Variants in EYS observed in about 807,000 individuals in gnomAD.
The protein encoded by EYS is protein eyes shut homolog.
EYS carries 250 observed loss-of-function variants against 282.1 expected under a neutral mutation model. The ratio of observed to expected loss-of-function variants is 0.89; its 90% CI spans 0.80 to 0.98. EYS has a LOEUF of 0.98. EYS is among the 50% of genes least tolerant of loss of function. EYS has a pLI of 0.00. For missense variants in EYS, 4,016 were observed against 3,709.0 expected (o/e 1.08, Z -2.15); for synonymous variants, 1,355 against 1,282.9 (o/e 1.06, Z -1.20).
chr6:64,656,428 T>C (rs1931851), intron 22 of EYS, among the ~76,000 whole-genome samples: 146,595 of 152,220 alleles, frequency 0.96, 70,824 homozygotes, highest in East Asian at 1. Flanking sequence ...TCTTGAGAAC[T>C]TTTCCAAGAC....
intron 33 of EYS, among the ~76,000 whole-genome samples, chr6:64,030,300 C>T (rs926949139): frequency 3.9e-5 from 6 of 152,170 alleles, no homozygotes; most frequent in African/African-American, 1.4e-4. Flanking sequence ...ACAGTGTACC[C>T]TACTCCTTTA....
intron 11 of EYS, among the ~76,000 whole-genome samples, chr6:65,328,735 TATTATA>T (rs1452613155): frequency 6.8e-6 from 1 of 146,918 alleles, no homozygotes; most frequent in Non-Finnish European, 1.5e-5. Context: ...GATGTGAAAA[TATTATA>T]ATTATTAGTT....
intron 19 of EYS, 32 bp from the exon 20 acceptor site, chr6:64,822,854 A>C (rs1375448614): frequency 1.3e-6 from 2 of 1,524,434 alleles, no homozygotes; most frequent in African/African-American, 1.4e-5. Flanking sequence ...AAAACATGAA[A>C]CCATTTAAAT....
At chr6:64,319,530 T>C (rs1292303503) in intron 29 of EYS, among the ~76,000 whole-genome samples, 2 of 152,024 alleles carry the variant, frequency 1.3e-5, no homozygotes, top group Non-Finnish European at 2.9e-5. Flanking sequence ...ATGCTCTCGA[T>C]ATTGGATTTC....
chr6:64,115,122 C>G (rs1475759732), intron 31 of EYS, among the ~76,000 whole-genome samples: 1 of 152,182 alleles, frequency 6.6e-6, no homozygotes, highest in Non-Finnish European at 1.5e-5. Context: ...ACTGAAGCTA[C>G]CTCTGTAGAA....
At chr6:65,526,912 C>T (rs1767588886) in intron 2 of EYS, among the ~76,000 whole-genome samples, 2 of 152,170 alleles carry the variant, frequency 1.3e-5, no homozygotes, top group South Asian at 2.1e-4. Context: ...CTCTAAAACT[C>T]AACCCAAATA....
intron 22 of EYS, among the ~76,000 whole-genome samples, chr6:64,664,488 G>C (rs1239953856): frequency 6.6e-6 from 1 of 152,124 alleles, no homozygotes; most frequent in African/African-American, 2.4e-5. Flanking sequence ...GATATGTCTG[G>C]AAAGAGGGGA....
chr6:64,452,073 C>G (rs1372669033), intron 26 of EYS, among the ~76,000 whole-genome samples: 1 of 152,182 alleles, frequency 6.6e-6, no homozygotes, highest in Non-Finnish European at 1.5e-5. Flanking sequence ...CAAATTGTCC[C>G]TGTTTGCAGA....
chr6:65,329,980 T>G (rs1362595560), intron 11 of EYS: 5 of 981,272 alleles, frequency 5.1e-6, no homozygotes, highest in Non-Finnish European at 6.1e-6. Flanking sequence ...AATGTGAATC[T>G]CCTAAAATAG....
chr6:64,548,695 G>A (rs528522342), intron 26 of EYS, among the ~76,000 whole-genome samples: 31 of 152,116 alleles, frequency 2.0e-4, no homozygotes, highest in Non-Finnish European at 4.0e-4. Flanking sequence ...TGGGGAGGGG[G>A]GAGGAGTAGC....
chr6:65,439,773 A>G (rs962577003), intron 5 of EYS, among the ~76,000 whole-genome samples: 11 of 151,978 alleles, frequency 7.2e-5, no homozygotes, highest in African/African-American at 2.4e-4. Context: ...CACAATTTCA[A>G]CCCCAATCAT....
At chr6:64,999,180 T>C (rs137992522) in intron 13 of EYS, among the ~76,000 whole-genome samples, 6 of 152,284 alleles carry the variant, frequency 3.9e-5, no homozygotes, top group African/African-American at 1.4e-4. Context: ...GAAGAGAACC[T>C]AGAGAACTAA....
intron 12 of EYS, among the ~76,000 whole-genome samples, chr6:65,180,821 A>C (rs998582260): frequency 2.0e-5 from 3 of 152,190 alleles, no homozygotes; most frequent in African/African-American, 7.2e-5. Flanking sequence ...ACAAGGCTAC[A>C]GTAACCAAAA....
chr6:65,314,560 TGGTGTG>T (rs1234458274), intron 11 of EYS, among the ~76,000 whole-genome samples: 1 of 87,490 alleles, frequency 1.1e-5, no homozygotes, highest in African/African-American at 4.9e-5. Context: ...CTTCCCCTTA[TGGTGTG>T]TGTGTGTGTG....
At chr6:65,234,600 C>T (rs1290334691) in intron 12 of EYS, among the ~76,000 whole-genome samples, 1 of 152,178 alleles carries the variant, frequency 6.6e-6, no homozygotes, top group Non-Finnish European at 1.5e-5. Flanking sequence ...CATCTCCTTT[C>T]TTACCAATCA....
At chr6:64,415,522 A>C (rs1774032592) in intron 28 of EYS, among the ~76,000 whole-genome samples, 1 of 152,176 alleles carries the variant, frequency 6.6e-6, no homozygotes, top group South Asian at 2.1e-4. Flanking sequence ...AACATCAAGC[A>C]TGCTCTGCCT....
intron 36 of EYS, among the ~76,000 whole-genome samples, chr6:63,849,504 A>G (rs1216576051): frequency 6.6e-6 from 1 of 152,204 alleles, no homozygotes; most frequent in Non-Finnish European, 1.5e-5. Flanking sequence ...ACTATTCTGC[A>G]GACTCCACTG....
intron 2 of EYS, among the ~76,000 whole-genome samples, chr6:65,628,182 C>T (rs1766785010): frequency 6.6e-6 from 1 of 152,044 alleles, no homozygotes; most frequent in Non-Finnish European, 1.5e-5. Context: ...GTAAATACAC[C>T]AATCAGCACC....
chr6:64,257,254 A>G (rs904511858), intron 30 of EYS, among the ~76,000 whole-genome samples: 1 of 151,954 alleles, frequency 6.6e-6, no homozygotes, highest in Non-Finnish European at 1.5e-5. Flanking sequence ...AGCTTCGTAA[A>G]TTTAATTTTT....
Sources: allele counts gnomAD v4.1 joint callset (sites outside exome capture counted in the v4.1 genomes callset), GRCh38; gene constraint gnomAD v4.1.1; transcripts MANE v1.5; gene names NCBI Gene and HGNC (gene_info 2026-07-23, HGNC 2026-07-21).